LAMA2: variants seen among roughly 807,000 people sequenced by gnomAD.
The protein encoded by LAMA2 is laminin subunit alpha 2.
Under a neutral mutation model 364.8 loss-of-function variants are expected in LAMA2, and 269 were observed. The ratio of observed to expected loss-of-function variants is 0.74; its 90% CI spans 0.67 to 0.82. LAMA2 has a LOEUF of 0.82. Among genes scored for constraint, LAMA2 ranks in the 40% least tolerant of loss-of-function variants. The pLI, the probability that LAMA2 is intolerant of heterozygous loss-of-function variation, is 0.00. For missense variants in LAMA2, 3,807 were observed against 3,873.2 expected (o/e 0.98, Z 0.45); for synonymous variants, 1,379 against 1,370.6 (o/e 1.01, Z -0.14).
chr6:129,034,720 T>G (rs1786493021), intron 1 of LAMA2, among the ~76,000 whole-genome samples: 1 of 152,144 alleles, frequency 6.6e-6, no homozygotes. Flanking sequence ...AGTGAAAATG[T>G]CATATTCAAT....
rs6149801 is a variant in LAMA2, at chr6:128,943,269, CAGAGAGAGAGAGAG to C, written c.112+59937_112+59950del. Among the ~76,000 whole-genome samples the C allele has an allele frequency of 7.0e-4, 100 of 143,188 alleles. 1 individual carries two copies. The highest frequency in any genetic ancestry group is 2.2e-3 in the African/African-American group (84 of 38,620). 93.9% of individuals were successfully genotyped at this position (143,188 alleles called of 152,430 possible). A position where few individuals can be genotyped will look rare whatever the true frequency, so the allele number is the denominator to read the frequency against. On this transcript the variant is annotated intron_variant, in intron 1 of 64. Coordinates refer to ENST00000421865, the MANE Select transcript of LAMA2 (RefSeq NM_000426.4). ...GAGAGAGTGTGTGTGTATATATACA[CAGAGAGAGAGAGAG>C]AGAGAGAGAGAGAGAGAGAGAGAGT... is the stretch of plus-strand genomic sequence containing the variant.
chr6:129,281,963 T>C (rs1350699320), intron 18 of LAMA2, among the ~76,000 whole-genome samples: 2 of 152,160 alleles, frequency 1.3e-5, no homozygotes, highest in East Asian at 1.9e-4. Flanking sequence ...GTTTGAGATG[T>C]GCCTGTTGAA....
intron 37 of LAMA2, among the ~76,000 whole-genome samples, chr6:129,395,645 G>T (rs1330129496): frequency 1.3e-5 from 2 of 152,144 alleles, no homozygotes; most frequent in East Asian, 3.9e-4. Flanking sequence ...TGTATTTAGT[G>T]GGAGGTACAC....
At chr6:129,251,653 C>T (rs1466009336) in intron 13 of LAMA2, among the ~76,000 whole-genome samples, 1 of 152,116 alleles carries the variant, frequency 6.6e-6, no homozygotes, top group Non-Finnish European at 1.5e-5. Context: ...TCTACTAAGG[C>T]CGGGTGTGGT....
intron 51 of LAMA2, 64 bp from the exon 52 acceptor site, chr6:129,473,147 TTAA>T (rs1783894535): frequency 7.9e-7 from 1 of 1,266,002 alleles, no homozygotes; most frequent in African/African-American, 1.5e-5. Context: ...TCTTGAAGTA[TTAA>T]TGATGATATA....
intron 1 of LAMA2, among the ~76,000 whole-genome samples, chr6:128,915,348 G>T (rs1020186871): frequency 6.6e-6 from 1 of 152,234 alleles, no homozygotes; most frequent in East Asian, 1.9e-4. Context: ...CTGCTTTTTA[G>T]ATTAGTCCAT....
At chr6:128,981,612 T>G (rs1214835097) in intron 1 of LAMA2, among the ~76,000 whole-genome samples, 2 of 147,396 alleles carry the variant, frequency 1.4e-5, no homozygotes, top group Non-Finnish European at 3.0e-5. Context: ...ATTGCTGGGC[T>G]TGGTGGTTGA....
At chr6:128,909,779 T>C (rs1324924932) in intron 1 of LAMA2, among the ~76,000 whole-genome samples, 4 of 152,320 alleles carry the variant, frequency 2.6e-5, no homozygotes, top group East Asian at 3.9e-4. Context: ...TTGTACTGGT[T>C]GTTCCTTTCC....
chr6:128,966,071 A>G (rs1781824193), intron 1 of LAMA2, among the ~76,000 whole-genome samples: 1 of 149,890 alleles, frequency 6.7e-6, no homozygotes, highest in Admixed American at 6.7e-5. Flanking sequence ...AGATCCACAG[A>G]TAAACTTATC....
rs2114420785 is a variant in LAMA2, at chr6:129,287,980, C to A, written c.2671C>A (p.Pro891Thr). ...GTCTGGCTCCTGTCTGATATGTAAA[C>A]CAGGTACAACAGGCCGGTACTGTGA... ...SLSGSCLICK[P>T]GTTGRYCELC... Residue 891 changes from proline to threonine, a missense_variant, in exon 19 of 65, where the codon CCA becomes ACA. Around this residue, in one of 3 missense-constraint regions of LAMA2, gnomAD observed 3,333 missense variants for 3,345.7 expected, o/e 1.00. Transcript: ENST00000421865. 1.9e-6 allele frequency: 3 copies of A among 1,614,112 alleles called. No individual in the cohort carries two copies. The South Asian group carries it at 3.3e-5, about 18-fold the overall frequency.
intron 4 of LAMA2, among the ~76,000 whole-genome samples, chr6:129,124,000 C>G (rs2114923809): frequency 6.6e-6 from 1 of 152,266 alleles, no homozygotes; most frequent in East Asian, 1.9e-4. Flanking sequence ...TACTTATCTC[C>G]AAACTCATTA....
intron 1 of LAMA2, among the ~76,000 whole-genome samples, chr6:128,968,093 T>C (rs906356903): frequency 1.3e-5 from 2 of 152,192 alleles, no homozygotes; most frequent in Non-Finnish European, 2.9e-5. Flanking sequence ...GGAATCCATG[T>C]GAGGCAACTA....
chr6:129,445,593 C>T (rs1782324787), intron 44 of LAMA2, 74 bp from the exon 45 acceptor site: 2 of 1,262,558 alleles, frequency 1.6e-6, no homozygotes, highest in Non-Finnish European at 2.3e-6. Flanking sequence ...TTTGGTTAAG[C>T]ATACTGCTAT....
chr6:129,196,069 T>C (rs1781829642), intron 12 of LAMA2, among the ~76,000 whole-genome samples: 1 of 152,196 alleles, frequency 6.6e-6, no homozygotes, highest in Admixed American at 6.5e-5. Context: ...TAATCTTATG[T>C]GATTTGTTCT....
chr6:128,918,653 C>T (rs1486952819), intron 1 of LAMA2, among the ~76,000 whole-genome samples: 1 of 152,130 alleles, frequency 6.6e-6, no homozygotes, highest in Non-Finnish European at 1.5e-5. Flanking sequence ...TCCCTTGTAA[C>T]AAATATAATA....
At chr6:128,988,920 C>G (rs568607988) in intron 1 of LAMA2, among the ~76,000 whole-genome samples, 2 of 152,162 alleles carry the variant, frequency 1.3e-5, no homozygotes, top group South Asian at 4.1e-4. Flanking sequence ...GACAGAATCG[C>G]TATTTTATAA....
Position 129,371,225 on chromosome 6 carries a change from T to G in LAMA2, c.4959+1235T>G, listed in dbSNP as rs552020856. On this transcript the variant is annotated intron_variant, in intron 34 of 64. Transcript: ENST00000421865. ...GATGAAAAATATGAATGAGGCTCAA[T>G]CTGTCTTCAAAGAACTTTGAGATGT... Among the ~76,000 whole-genome samples the G allele has an allele frequency of 2.7e-5, 4 of 149,018 alleles. No individual in the cohort carries two copies. In the South Asian group the frequency reaches 8.9e-4, roughly 33 times the overall value.
chr6:129,007,204 T>C (rs1266832214), intron 1 of LAMA2, among the ~76,000 whole-genome samples: 1 of 152,144 alleles, frequency 6.6e-6, no homozygotes, highest in Non-Finnish European at 1.5e-5. Context: ...ACTTAGATTA[T>C]ATCTATTTAA....
intron 15 of LAMA2, among the ~76,000 whole-genome samples, chr6:129,264,837 C>T (rs1479871338): frequency 6.6e-6 from 1 of 151,970 alleles, no homozygotes; most frequent in African/African-American, 2.4e-5. Context: ...AGGACAAGAG[C>T]AGTTTTAATT....
Sources: gnomAD v4.1 joint callset for allele counts (sites outside exome capture counted in the v4.1 genomes callset) on GRCh38, gnomAD v4.1.1 for gene constraint, gnomAD v4.1.1 regional missense constraint, MANE v1.5 for transcripts, NCBI Gene and HGNC (gene_info 2026-07-23, HGNC 2026-07-21) for gene names.